The following FBXW7 variants were observed in gnomAD, a reference collection of about 807,000 sequenced individuals.
FBXW7 encodes F-box and WD repeat domain containing 7, also known as F-box/WD repeat-containing protein 7.
In FBXW7, 11 loss-of-function variants were observed where a neutral mutation model predicts 86.3. The observed-to-expected ratio is 0.13, with a 90% CI of 0.08 to 0.21. The LOEUF (loss-of-function observed/expected upper bound fraction) is 0.21. Ranked by LOEUF, FBXW7 falls within the 10% of genes least tolerant of loss-of-function variation. The pLI, the probability that FBXW7 is intolerant of heterozygous loss-of-function variation, is 1.00. For missense variants in FBXW7, 488 were observed against 847.4 expected (o/e 0.58, Z 5.27); for synonymous variants, 313 against 297.9 (o/e 1.05, Z -0.52).
rs145482883 is a variant in FBXW7, at chr4:152,423,986, G to C, written c.-119-11457C>G. ...CAATTATGGTTTCCAGATTTGAGGG[G>C]GGAAAACACAACTTTCCTGCTGGCA... On this transcript the variant is annotated intron_variant, in intron 2 of 13. Transcript: ENST00000281708. Among the ~76,000 whole-genome samples, 62 of 152,154 alleles carry C rather than the reference G, an allele frequency of 4.1e-4. 1 individual carries two copies. The highest frequency in any genetic ancestry group is 3.1e-3 in the South Asian group (15 of 4,814).
At position 152,324,164 on chromosome 4, in the gene FBXW7, G is replaced by A. The variant is rs760881573; in HGVS notation, c.1855+20C>T. ...TGATCTCATTTTTAATGAACAAAAC[G>A]AAAGGTGAGTAAGACTTACCTTGCA... On this transcript the variant is annotated intron_variant, in intron 13 of 13. Coordinates refer to ENST00000281708, the MANE Select transcript of FBXW7 (RefSeq NM_001349798.2). The A allele has an allele frequency of 6.3e-6, 10 of 1,590,238 alleles. No individual in the cohort carries two copies. In the African/African-American group the frequency reaches 8.1e-5, roughly 13 times the overall value.
chr4:152,507,939 T>G (rs1169007172), intron 2 of FBXW7, among the ~76,000 whole-genome samples: 1 of 151,230 alleles, frequency 6.6e-6, no homozygotes, highest in Non-Finnish European at 1.5e-5. Flanking sequence ...GGCACATACC[T>G]GGCCTGTAGT....
chr4:152,411,878 G>T lies in FBXW7; in HGVS notation c.-69-6C>A. Reference sequence around the variant, plus strand: ...GATGCAAAGGTTTTCACATTCTGCAGGGGAAAATAGGGTAAAAAACAAGAT... The same window carrying T: ...GATGCAAAGGTTTTCACATTCTGCATGGGAAAATAGGGTAAAAAACAAGAT... On this transcript the variant is annotated splice_polypyrimidine_tract_variant and splice_region_variant and intron_variant, in intron 3 of 13. Transcript: ENST00000281708. The T allele has an allele frequency of 1.4e-6, 2 of 1,461,200 alleles. No homozygotes were observed. Among genetic ancestry groups the T allele is most frequent in the Non-Finnish European group, 9.0e-7 (1 of 1,107,124 alleles). The allele number at this position is 1,461,200 out of a possible 1,614,324, so 90.5% of individuals were successfully genotyped here. A position where few individuals can be genotyped will look rare whatever the true frequency, so the allele number is the denominator to read the frequency against.
chr4:152,377,779 T>C (rs747131610), intron 4 of FBXW7, among the ~76,000 whole-genome samples: 4 of 136,158 alleles, frequency 2.9e-5, no homozygotes, highest in Non-Finnish European at 6.3e-5. Context: ...AAAATCAGAG[T>C]GATTAGATAC....
chr4:152,487,221 T>G (rs1282897035), intron 2 of FBXW7, among the ~76,000 whole-genome samples: 1 of 152,152 alleles, frequency 6.6e-6, no homozygotes, highest in Non-Finnish European at 1.5e-5. Flanking sequence ...GGTGAAAGGC[T>G]GTTGAGAAAC....
At chr4:152,333,905 T>C (rs756611362) in intron 7 of FBXW7, among the ~76,000 whole-genome samples, 1 of 151,912 alleles carries the variant, frequency 6.6e-6, no homozygotes, top group Non-Finnish European at 1.5e-5. Flanking sequence ...AATACAAAAA[T>C]TAGCCAGGTG....
intron 2 of FBXW7, among the ~76,000 whole-genome samples, chr4:152,431,022 T>C (rs775232786): frequency 3.9e-5 from 6 of 152,220 alleles, no homozygotes; most frequent in African/African-American, 2.4e-5. Context: ...CCACCCAGTC[T>C]TCCTGCCAAG....
intron 2 of FBXW7, among the ~76,000 whole-genome samples, chr4:152,494,058 T>C (rs1158372646): frequency 3.3e-5 from 5 of 152,198 alleles, no homozygotes; most frequent in African/African-American, 4.8e-5. Context: ...TTAATGCTTA[T>C]TGTTTTTATT....
At chr4:152,500,515 A>AG (rs1746833943) in intron 2 of FBXW7, among the ~76,000 whole-genome samples, 1 of 151,720 alleles carries the variant, frequency 6.6e-6, no homozygotes, top group Admixed American at 6.6e-5. Flanking sequence ...AAAAAAAAAA[A>AG]AAAAACTTTA....
At chr4:152,518,080 C>A (rs1748670644) in intron 2 of FBXW7, among the ~76,000 whole-genome samples, 2 of 152,250 alleles carry the variant, frequency 1.3e-5, no homozygotes, top group African/African-American at 4.8e-5. Flanking sequence ...CCTCCACCAC[C>A]CGGGTTCAAG....
At chr4:152,513,864 A>G (rs1380517451) in intron 2 of FBXW7, among the ~76,000 whole-genome samples, 2 of 152,206 alleles carry the variant, frequency 1.3e-5, no homozygotes, top group Admixed American at 6.5e-5. Context: ...TCTTTTCCTA[A>G]AAAGTTCATA....
At chr4:152,389,758 C>CA (rs1006912928) in intron 4 of FBXW7, among the ~76,000 whole-genome samples, 9 of 151,144 alleles carry the variant, frequency 6.0e-5, no homozygotes, top group Admixed American at 1.3e-4. Flanking sequence ...AAATTTATAC[C>CA]AAAAAAAAGC....
chr4:152,476,386 A>C (rs1160011695), intron 2 of FBXW7, among the ~76,000 whole-genome samples: 1 of 152,174 alleles, frequency 6.6e-6, no homozygotes, highest in African/African-American at 2.4e-5. Context: ...CATCTGGACA[A>C]AACAAAGAAA....
intron 8 of FBXW7, among the ~76,000 whole-genome samples, chr4:152,331,530 CAG>C (rs1471510738): frequency 1.3e-4 from 19 of 151,926 alleles, no homozygotes; most frequent in Admixed American, 5.9e-4. Context: ...CTCATAGAGA[CAG>C]AAAGTAAAAG....
At chr4:152,330,341 TA>T (rs957666839) in intron 9 of FBXW7, among the ~76,000 whole-genome samples, 1 of 151,846 alleles carries the variant, frequency 6.6e-6, no homozygotes, top group African/African-American at 2.4e-5. Context: ...CTTCAATTTG[TA>T]AAAATAAGAC....
intron 2 of FBXW7, among the ~76,000 whole-genome samples, chr4:152,477,418 T>C (rs753139442): frequency 4.0e-4 from 61 of 152,162 alleles, no homozygotes; most frequent in Non-Finnish European, 7.9e-4. Flanking sequence ...TTTTAACAAC[T>C]ATACGCATTT....
chr4:152,382,577 T>A, intron 4 of FBXW7: 1 of 856,458 alleles, frequency 1.2e-6, no homozygotes, highest in Non-Finnish European at 1.5e-6. Flanking sequence ...AAGTGAAAGC[T>A]CCTGCTCCTG....
intron 2 of FBXW7, among the ~76,000 whole-genome samples, chr4:152,522,254 G>A (rs75185406): frequency 0.014 from 2,082 of 152,070 alleles, 26 homozygotes; most frequent in Middle Eastern, 0.037. Context: ...TGAATAGCTC[G>A]TCATAAAAAA....
intron 2 of FBXW7, among the ~76,000 whole-genome samples, chr4:152,426,000 G>T (rs911345905): frequency 2.0e-5 from 3 of 152,134 alleles, no homozygotes; most frequent in Non-Finnish European, 4.4e-5. Flanking sequence ...TACACCCCAA[G>T]AATTTATAAC....
Sources: allele counts gnomAD v4.1 joint callset (sites outside exome capture counted in the v4.1 genomes callset), GRCh38; gene constraint gnomAD v4.1.1; transcripts MANE v1.5; gene names NCBI Gene and HGNC (gene_info 2026-07-23, HGNC 2026-07-21).